TASOR2: variants seen among roughly 807,000 people sequenced by gnomAD.
TASOR2 encodes the protein protein TASOR 2.
TASOR2 carries 84 observed loss-of-function variants against 199.5 expected under a neutral mutation model. The observed-to-expected ratio is 0.42, with a 90% CI of 0.35 to 0.50. The LOEUF is 0.50. Ranked by LOEUF, TASOR2 falls within the 20% of genes least tolerant of loss-of-function variation. The probability of loss-of-function intolerance (pLI) is 0.02; values close to 1 mark genes in which losing one functional copy is unlikely to be tolerated. For missense variants in TASOR2, 2,796 were observed against 2,835.9 expected, an observed-to-expected ratio of 0.99 and a Z score of 0.32; for synonymous variants, 1,103 against 1,046.6, an observed-to-expected ratio of 1.05 and a Z score of -1.04.
exon 13 of TASOR2, chr10:5,739,978 G>C: frequency 6.2e-7 from 1 of 1,614,094 alleles, no homozygotes; most frequent in Non-Finnish European, 8.5e-7. Flanking sequence ...TCTTCTGATA[G>C]GAAGAGTAAT....
intron 15 of TASOR2, among the ~76,000 whole-genome samples, chr10:5,755,307 T>C (rs1288832670): frequency 6.6e-6 from 1 of 152,018 alleles, no homozygotes; most frequent in Non-Finnish European, 1.5e-5. Flanking sequence ...ACACAGTGGC[T>C]CTCGCCTGTA....
chr10:5,749,870 C>G, exon 15 of TASOR2: 1 of 1,614,176 alleles, frequency 6.2e-7, no homozygotes, highest in South Asian at 1.1e-5. Flanking sequence ...ATGTATCTGC[C>G]TTTCCCAGGA....
chr10:5,749,007 C>G, exon 15 of TASOR2: 1 of 1,614,122 alleles, frequency 6.2e-7, no homozygotes, highest in Non-Finnish European at 8.5e-7. Context: ...AAGATGTTCC[C>G]ACAGATGGCT....
Position 5,740,608 on chromosome 10 carries a change from G to A in TASOR2, c.2327+111G>A. 2 of 1,143,624 alleles carry A rather than the reference G, an allele frequency of 1.7e-6. No individual in the cohort carries two copies. The highest frequency in any genetic ancestry group is 2.4e-6 in the Non-Finnish European group (2 of 818,510). 70.8% of individuals were successfully genotyped at this position (1,143,624 alleles called of 1,614,324 possible). A position where few individuals can be genotyped will look rare whatever the true frequency, so the allele number is the denominator to read the frequency against. ...CTGGAGAAGGAGAAAGAAGTGTTGT[G>A]TTTAAAACCAGTAATTTGATAATAA... On this transcript the variant is annotated intron_variant, in intron 13 of 20. Coordinates refer to ENST00000328090, the Ensembl canonical transcript of TASOR2. The surrounding 1 kb of genome is among the most constrained non-coding windows in gnomAD (Gnocchi z 5.3).
chr10:5,734,716 ATTTTTTTTTTTTTTTTTT>A lies in TASOR2; in HGVS notation c.1205-575_1205-558del, dbSNP rs140600979. Reference sequence around the variant, plus strand: ...ACATTAGTCAGGAAAGGTTATGAAGATTTTTTTTTTTTTTTTTTTTTTTTTTTTTTGAGACAGGGTCTC... The same window carrying A: ...ACATTAGTCAGGAAAGGTTATGAAGATTTTTTTTTTTTGAGACAGGGTCTC... On this transcript the variant is annotated intron_variant, in intron 11 of 20. Transcript: ENST00000328090. Among the ~76,000 whole-genome samples, 262 of 54,216 alleles carry A rather than the reference ATTTTTTTTTTTTTTTTTT, an allele frequency of 4.8e-3. 2 individuals carry two copies. The highest frequency in any genetic ancestry group is 0.017 in the African/African-American group (250 of 14,986). The allele number at this position is 54,216 out of a possible 152,430, so 35.6% of individuals were successfully genotyped here.
rs1192592663 is a variant in TASOR2, at chr10:5,685,305, G to A, written c.-288+130G>A. On this transcript the variant is annotated intron_variant, in intron 1 of 20. Coordinates refer to ENST00000328090, the Ensembl canonical transcript of TASOR2. The surrounding 1 kb of genome is among the most constrained non-coding windows in gnomAD (Gnocchi z 5.4). Reference sequence around the variant, plus strand: ...ACGCGTTCTCCTTGCCTTTTGCCGCGCTCCGGGTGAGGGGGTGGGAGGGGT... The same window carrying A: ...ACGCGTTCTCCTTGCCTTTTGCCGCACTCCGGGTGAGGGGGTGGGAGGGGT... The A allele has an allele frequency of 2.5e-6, 1 of 396,432 alleles. No individual in the cohort carries two copies. The highest frequency in any genetic ancestry group is 4.4e-6 in the Non-Finnish European group (1 of 225,062). The allele number at this position is 396,432 out of a possible 1,614,324, so 24.6% of individuals were successfully genotyped here. A position where few individuals can be genotyped will look rare whatever the true frequency, so the allele number is the denominator to read the frequency against.
intron 1 of TASOR2, among the ~76,000 whole-genome samples, chr10:5,694,363 AG>A (rs2131500589): frequency 6.6e-6 from 1 of 152,348 alleles, no homozygotes; most frequent in African/African-American, 2.4e-5. Context: ...TAATTTGTTA[AG>A]TAAATATTTA....
At chr10:5,746,236 G>A in exon 15 of TASOR2, 8 of 1,612,618 alleles carry the variant, frequency 5.0e-6, no homozygotes, top group Non-Finnish European at 6.8e-6. Flanking sequence ...TGTGCTTTCG[G>A]GTATTGGAAG....
intron 1 of TASOR2, among the ~76,000 whole-genome samples, chr10:5,707,014 AAGT>A (rs1838717651): frequency 1.3e-5 from 2 of 151,830 alleles, no homozygotes; most frequent in Non-Finnish European, 2.9e-5. Context: ...AAAAAAAAAA[AAGT>A]AAGCACCCAA....
intron 11 of TASOR2, among the ~76,000 whole-genome samples, chr10:5,733,344 C>G (rs1156445219): frequency 1.3e-5 from 2 of 152,010 alleles, no homozygotes; most frequent in Admixed American, 1.3e-4. Context: ...CCCGTCTCTA[C>G]TAAAAACACA....
chr10:5,691,230 A>G (rs1836391466), intron 1 of TASOR2, among the ~76,000 whole-genome samples: 1 of 152,134 alleles, frequency 6.6e-6, no homozygotes, highest in Non-Finnish European at 1.5e-5. Flanking sequence ...TTGAATATAA[A>G]AAGTATGGTC....
intron 1 of TASOR2, chr10:5,709,639 G>C: frequency 5.7e-6 from 7 of 1,231,034 alleles, no homozygotes; most frequent in Non-Finnish European, 6.1e-6. Flanking sequence ...AGAGAAGATC[G>C]AGACAGGGTC....
chr10:5,724,606 G>T, intron 8 of TASOR2, 73 bp downstream of exon 9: 2 of 180,160 alleles, frequency 1.1e-5, no homozygotes, highest in Non-Finnish European at 1.8e-5. Flanking sequence ...TGCCTAGATG[G>T]CACATATATA....
In TASOR2 at chr10:5,731,313, A is replaced by G. The variant is rs1834781606; in HGVS notation, c.1204+110A>G. 7 of 1,003,170 alleles carry G rather than the reference A, an allele frequency of 7.0e-6. No homozygotes were observed. In the East Asian group the frequency reaches 1.7e-4, roughly 25 times the overall value. 62.1% of individuals were successfully genotyped at this position (1,003,170 alleles called of 1,614,324 possible). A position where few individuals can be genotyped will look rare whatever the true frequency, so the allele number is the denominator to read the frequency against. ...GGGAAACCAAGTGGGTGGATCACCTAAGGTCAGGAGTTTGAGACCAGTCTG... is the reference window on the plus strand; with the variant it reads ...GGGAAACCAAGTGGGTGGATCACCTGAGGTCAGGAGTTTGAGACCAGTCTG... On this transcript the variant is annotated intron_variant, in intron 11 of 20. Transcript: ENST00000328090.
intron 18 of TASOR2, 113 bp from the exon 20 acceptor site, chr10:5,761,177 G>A (rs767755114): frequency 4.5e-5 from 38 of 841,750 alleles, no homozygotes; most frequent in Admixed American, 3.1e-4. Flanking sequence ...GAAAAAGAAC[G>A]TCAAGAAGAA....
chr10:5,715,724 C>A (rs1232875218), intron 2 of TASOR2, among the ~76,000 whole-genome samples: 1 of 151,990 alleles, frequency 6.6e-6, no homozygotes, highest in East Asian at 1.9e-4. Flanking sequence ...CTCTCTGCAA[C>A]CTTCGACTCC....
At chr10:5,713,339 T>C (rs1429904338) in intron 2 of TASOR2, among the ~76,000 whole-genome samples, 2 of 152,228 alleles carry the variant, frequency 1.3e-5, no homozygotes, top group Non-Finnish European at 2.9e-5. Flanking sequence ...CCTGGTTAAC[T>C]GAAATTGCTT....
chr10:5,708,639 CCTTCCTTCCTTCCTTCCTTTCCTTCCTTT>C (rs1564272320), intron 1 of TASOR2, among the ~76,000 whole-genome samples: 72 of 32,880 alleles, frequency 2.2e-3, no homozygotes, highest in African/African-American at 5.0e-3. Flanking sequence ...TTCCTCCCTT[CCTTCCTTCCTTCCTTCCTTTCCTTCCTTT>C]CTTCCTTCCT....
intron 1 of TASOR2, among the ~76,000 whole-genome samples, chr10:5,693,735 G>A (rs1836783849): frequency 1.3e-5 from 2 of 152,176 alleles, no homozygotes; most frequent in Admixed American, 1.3e-4. Flanking sequence ...CCCAGATTAT[G>A]TTTATTTAAA....
Sources: gnomAD v4.1 joint callset for allele counts (sites outside exome capture counted in the v4.1 genomes callset) on GRCh38, gnomAD v4.1.1 for gene constraint, Gnocchi (gnomAD v3.1) non-coding constraint, MANE v1.5 for transcripts, NCBI Gene and HGNC (gene_info 2026-07-23, HGNC 2026-07-21) for gene names.